CRACR2B: variants seen among roughly 807,000 people sequenced by gnomAD.
The protein encoded by CRACR2B is EF-hand calcium-binding domain-containing protein 4A.
CRACR2B carries 50 observed loss-of-function variants against 46.0 expected under a neutral mutation model. The observed-to-expected ratio is 1.09, with a 90% CI of 0.87 to 1.38. The LOEUF (loss-of-function observed/expected upper bound fraction) is 1.38, where lower values mean the gene tolerates loss of function less well. Ranked by LOEUF, CRACR2B falls within the 40% of genes most tolerant of loss-of-function variation. CRACR2B has a pLI of 0.00. For synonymous variants in CRACR2B, 277 were observed against 239.6 expected (o/e 1.16, Z -1.44); for missense variants, 667 against 535.0 (o/e 1.25, Z -2.43).
rs775133936 is a variant in CRACR2B at position 830,142 on chromosome 11, G to A, written c.605+10G>A. 67 of 1,527,682 alleles carry A rather than the reference G, an allele frequency of 4.4e-5. No individual in the cohort carries two copies. The highest frequency in any genetic ancestry group is 5.6e-5 in the Non-Finnish European group (64 of 1,142,300). The allele number at this position is 1,527,682 out of a possible 1,614,324, so 94.6% of individuals were successfully genotyped here. A position where few individuals can be genotyped will look rare whatever the true frequency, so the allele number is the denominator to read the frequency against. ...AGCAGGCGCTGCGGAGGTGAGGGCC[G>A]GGGTGGGGTATGGGGGCCAATGGAG... On this transcript the variant is annotated intron_variant, in intron 4 of 8. Coordinates refer to ENST00000525077, the MANE Select transcript of CRACR2B (RefSeq NM_001286606.2).
At position 828,865 on chromosome 11, in the gene CRACR2B, A is replaced by G. The variant is rs774965246; in HGVS notation, c.179A>G (p.Asp60Gly). 1.2e-6 allele frequency: 2 copies of G among 1,610,774 alleles called. No individual in the cohort carries two copies. The highest frequency in any genetic ancestry group is 2.2e-5 in the East Asian group (1 of 44,878). Residue 60 changes from aspartate (D) to glycine (G), a missense_variant, in exon 2 of 9, where the codon GAC becomes GGC. Transcript: ENST00000525077. ...TKHDLQGLQS[D>G]LPLTPEQLEA... ...TTCCCCGACCAGGGTCTCCAGAGCG[A>G]CCTGCCCCTCACGCCAGAGCAGCTG...
intron 8 of CRACR2B, 49 bp downstream of exon 8, chr11:831,344 G>C: frequency 1.9e-6 from 3 of 1,558,968 alleles, no homozygotes; most frequent in Non-Finnish European, 2.6e-6. Flanking sequence ...CGGAGCTTGG[G>C]GGCTCCCAGC....
upstream of CRACR2B, among the ~76,000 whole-genome samples, chr11:826,772 C>T (rs1845929291): frequency 6.6e-6 from 1 of 152,186 alleles, no homozygotes; most frequent in African/African-American, 2.4e-5. Flanking sequence ...TGATCTGCCC[C>T]TGTCTCAGCC....
chr11:829,488 G>C lies in CRACR2B; in HGVS notation c.406G>C (p.Glu136Gln). ...GSLDEEEEEE[E>Q]RFHTVLEQLG... is the part of the protein sequence containing the mutation. ...TCTGGATGAGGAGGAGGAAGAGGAG[G>C]AGCGATTCCACACTGTGCTGGAGCA... Residue 136 changes from glutamate to glutamine, a missense_variant, in exon 3 of 9, where the codon GAG (glutamate) becomes CAG (glutamine). Physicochemically the swap from Glu to Gln is conservative, Grantham distance 29 (BLOSUM62 2). Coordinates refer to ENST00000525077, the MANE Select transcript of CRACR2B (RefSeq NM_001286606.2). The C allele has an allele frequency of 6.2e-7, 1 of 1,608,130 alleles. No homozygotes were observed. The highest frequency in any genetic ancestry group is 8.5e-7 in the Non-Finnish European group (1 of 1,178,282).
Position 829,450 on chromosome 11 carries a change from G to T in CRACR2B, c.368G>T (p.Gly123Val). 3 of 1,610,128 alleles carry T rather than the reference G, an allele frequency of 1.9e-6. No individual in the cohort carries two copies. The Admixed American group carries it at 5.1e-5, about 27-fold the overall frequency. Residue 123 changes from glycine to valine, a missense_variant, in exon 3 of 9, where the codon GGC becomes GTC. Transcript: ENST00000525077. ...GAGTCGGGCGGGCTCGACGTGCAGG[G>T]CACGGCGGGCTCTCTGGATGAGGAG... ...TFESGGLDVQ[G>V]TAGSLDEEEE...
In CRACR2B at chr11:830,330, C is replaced by T. The variant is rs1031714351; in HGVS notation, c.686C>T (p.Pro229Leu). 2 of 1,535,152 alleles carry T rather than the reference C, an allele frequency of 1.3e-6. No individual in the cohort carries two copies. The highest frequency in any genetic ancestry group is 1.7e-6 in the Non-Finnish European group (2 of 1,144,784). ...EQLREQSRRP[P>L]SQNFARGERR... ...CTTCGGGAGCAGAGCCGGCGCCCGC[C>T]GAGTCAGGTGGGCCTCGGGCCCCGC... The change falls in exon 5 of 9, where the codon CCG (proline) becomes CTG (leucine). Residue 229 changes from proline to leucine, a missense_variant. Transcript: ENST00000525077.
Position 831,010 on chromosome 11 carries a change from G to C in CRACR2B, c.931G>C (p.Gly311Arg), listed in dbSNP as rs753805018. 1 of 1,534,072 alleles carries C rather than the reference G, an allele frequency of 6.5e-7. No homozygotes were observed. Among genetic ancestry groups the C allele is most frequent in the East Asian group, 2.4e-5 (1 of 40,902 alleles). The change falls in exon 7 of 9, where the codon GGC becomes CGC. Residue 311 changes from glycine (G) to arginine (R), a missense_variant. Transcript: ENST00000525077. ...QIRRLESEARGRQEQTQRDVV... is the reference protein window; with the variant it reads ...QIRRLESEARRRQEQTQRDVV... The stretch of plus-strand genomic sequence containing the variant: ...CCGCAGGCTGGAGAGCGAAGCACGA[G>C]GCCGCCAGGAGCAAACCCAACGGTG...
chr11:830,765 C>T (rs1208667239), intron 6 of CRACR2B, 52 bp downstream of exon 6: 18 of 1,489,864 alleles, frequency 1.2e-5, no homozygotes, highest in Non-Finnish European at 1.3e-5. Flanking sequence ...CACTCTCCCC[C>T]TGTGCCTTAG....
At chr11:829,015 A>T in intron 2 of CRACR2B, 52 bp downstream of exon 2, 1 of 1,592,656 alleles carries the variant, frequency 6.3e-7, no homozygotes, top group Non-Finnish European at 8.5e-7. Context: ...AGGCCTGATC[A>T]GGAGGCCTGG....
chr11:831,315 C>T lies in CRACR2B; in HGVS notation c.1025+20C>T, dbSNP rs746121627. 5.0e-6 allele frequency: 8 copies of T among 1,594,868 alleles called. No individual in the cohort carries two copies. Among genetic ancestry groups the T allele is most frequent in the Admixed American group, 1.9e-5 (1 of 52,868 alleles). Reference sequence around the variant, plus strand: ...GCTCAGGTACGGTCAGGCTCAGGCCCGAGAGGGAATGGGCTCAGCGGAGCT... The same window carrying T: ...GCTCAGGTACGGTCAGGCTCAGGCCTGAGAGGGAATGGGCTCAGCGGAGCT... On this transcript the variant is annotated intron_variant, in intron 8 of 8. Coordinates refer to ENST00000525077, the MANE Select transcript of CRACR2B (RefSeq NM_001286606.2).
In CRACR2B at chr11:828,736, G is replaced by C; in HGVS notation, c.129G>C (p.Lys43Asn). Reference protein sequence around the residue: ...QAEELFLLCDKEAKGFITKHD... With the variant: ...QAEELFLLCDNEAKGFITKHD... ...AGGAGCTGTTTCTGCTGTGTGACAA[G>C]GAGGCTAAGGGCTTCATCACCAAGC... The change falls in exon 1 of 9, where the codon AAG (lysine) becomes AAC (asparagine). Residue 43 changes from lysine to asparagine, a missense_variant. Lys to Asn is a moderately conservative substitution (Grantham distance 94). Coordinates refer to ENST00000525077, the MANE Select transcript of CRACR2B (RefSeq NM_001286606.2). 6.2e-7 allele frequency: 1 copy of C among 1,613,628 alleles called. No individual in the cohort carries two copies. The highest frequency in any genetic ancestry group is 8.5e-7 in the Non-Finnish European group (1 of 1,179,920).
chr11:828,536 C>T lies in CRACR2B; in HGVS notation c.-72C>T. On this transcript the variant is annotated 5_prime_UTR_variant, in exon 1 of 9. Transcript: ENST00000525077. ...AGACACACTTGCACCCCATCCGCTCCCCTCCTGAATTTCTTCTGACCCTCC... is the reference window on the plus strand; with the variant it reads ...AGACACACTTGCACCCCATCCGCTCTCCTCCTGAATTTCTTCTGACCCTCC... 2.7e-6 allele frequency: 4 copies of T among 1,481,156 alleles called. No individual in the cohort carries two copies. The highest frequency in any genetic ancestry group is 4.8e-5 in the East Asian group (2 of 41,290). The allele number at this position is 1,481,156 out of a possible 1,614,324, so 91.8% of individuals were successfully genotyped here.
chr11:829,629 T>C (rs1447944023), intron 3 of CRACR2B, 89 bp downstream of exon 3: 22 of 1,357,814 alleles, frequency 1.6e-5, no homozygotes, highest in African/African-American at 4.4e-5. Flanking sequence ...GTGCTGGTTC[T>C]GCACAGGGTC....
rs1130276 is a variant in CRACR2B at position 831,809 on chromosome 11, T to G, written c.*100T>G. On this transcript the variant is annotated 3_prime_UTR_variant, in exon 9 of 9. Transcript: ENST00000525077. ...CACTCAGGATGCAGGCTCTCCCCAGTGGGCCCCAGGCTCGCCTGACTGAAG... is the reference window on the plus strand; with the variant it reads ...CACTCAGGATGCAGGCTCTCCCCAGGGGGCCCCAGGCTCGCCTGACTGAAG... The G allele has an allele frequency of 0.74, 1,035,046 of 1,391,500 alleles. 388,600 individuals carry two copies. The highest frequency in any genetic ancestry group is 0.93 in the East Asian group (32,548 of 35,040). 86.2% of individuals were successfully genotyped at this position (1,391,500 alleles called of 1,614,324 possible). A position where few individuals can be genotyped will look rare whatever the true frequency, so the allele number is the denominator to read the frequency against.
At position 828,333 on chromosome 11, in the gene CRACR2B, G is replaced by A; in HGVS notation, c.-275G>A. 2.3e-6 allele frequency: 1 copy of A among 436,972 alleles called. No individual in the cohort carries two copies. The highest frequency in any genetic ancestry group is 4.0e-6 in the Non-Finnish European group (1 of 247,300). The allele number at this position is 436,972 out of a possible 1,614,324, so 27.1% of individuals were successfully genotyped here. ...TCCTGAAGTTGGCAGCCCCTCCTGG[G>A]TTCCAGCCTCCTGAGATGCCAGACC... On this transcript the variant is annotated 5_prime_UTR_variant, in exon 1 of 9. Transcript: ENST00000525077.
At position 830,146 on chromosome 11, in the gene CRACR2B, TG is replaced by T; in HGVS notation, c.605+18del. On this transcript the variant is annotated intron_variant, in intron 4 of 8. Transcript: ENST00000525077. ...GGCGCTGCGGAGGTGAGGGCCGGGG[TG>T]GGGTATGGGGGCCAATGGAGGGCCT... 2.0e-6 allele frequency: 3 copies of T among 1,521,980 alleles called. No individual in the cohort carries two copies. In the East Asian group the frequency reaches 7.3e-5, roughly 37 times the overall value. The allele number at this position is 1,521,980 out of a possible 1,614,324, so 94.3% of individuals were successfully genotyped here.
chr11:827,604 G>T, upstream of CRACR2B: 1 of 940,632 alleles, frequency 1.1e-6, no homozygotes, highest in Non-Finnish European at 1.3e-6. Context: ...CGGCAAGCCG[G>T]AGGGCGGGCG....
rs1219748354 is a variant in CRACR2B at position 830,030 on chromosome 11, G to T, written c.503G>T (p.Arg168Leu). 1 of 1,568,892 alleles carries T rather than the reference G, an allele frequency of 6.4e-7. No individual in the cohort carries two copies. Residue 168 changes from arginine (R) to leucine (L), a missense_variant, in exon 4 of 9, where the codon CGC becomes CTC. Physicochemically the swap from Arg to Leu is moderately radical, Grantham distance 102 (BLOSUM62 -2). Transcript: ENST00000525077. ...CTCTGGGCCAGGCTGCAGCGCGAGC[G>T]CCCCGAGCTGCTGGGCTCTTTCGAG... ...RTLWARLQRE[R>L]PELLGSFEDV...
upstream of CRACR2B, among the ~76,000 whole-genome samples, chr11:827,914 G>A (rs1819635900): frequency 6.6e-6 from 1 of 152,222 alleles, no homozygotes; most frequent in African/African-American, 2.4e-5. Context: ...ACGGGGAAGG[G>A]CCTCAGTGTT....
Sources: allele counts gnomAD v4.1 joint callset (sites outside exome capture counted in the v4.1 genomes callset), GRCh38; gene constraint gnomAD v4.1.1; transcripts MANE v1.5; gene names NCBI Gene and HGNC (gene_info 2026-07-23, HGNC 2026-07-21).